The following CNOT4 variants were observed in gnomAD, a reference collection of about 807,000 sequenced individuals.
CNOT4 encodes CCR4-NOT transcription complex subunit 4.
In CNOT4, 8 loss-of-function variants were observed where a neutral mutation model predicts 73.8. That is an observed-to-expected ratio of 0.11 (90% CI 0.06 to 0.20). The LOEUF is 0.20. Among genes scored for constraint, CNOT4 ranks in the 10% least tolerant of loss-of-function variants. CNOT4 has a pLI of 1.00. For synonymous variants in CNOT4, 293 were observed against 321.1 expected (o/e 0.91, Z 0.94); for missense variants, 564 against 883.4 (o/e 0.64, Z 4.58).
chr7:135,424,036 ACAAAACACACACACACACAC>A (rs1382126835), intron 2 of CNOT4, among the ~76,000 whole-genome samples: 1 of 135,140 alleles, frequency 7.4e-6, no homozygotes, highest in East Asian at 2.1e-4. Context: ...AAACAAACAA[ACAAAACACACACACACACAC>A]ACACACACAC....
chr7:135,405,957 T>C lies in CNOT4; in HGVS notation c.821+4558A>G, dbSNP rs551229119. 3.9e-5 allele frequency among the ~76,000 whole-genome samples: 6 copies of C among 152,304 alleles called. No homozygotes were observed. In the South Asian group the frequency reaches 1.2e-3, roughly 32 times the overall value. ...CTAGGAATGCCAAGAAATGTGAAAA[T>C]GAAACCCTTCTTTGAGTTTCTTTTT... is the stretch of plus-strand genomic sequence containing the variant. On this transcript the variant is annotated intron_variant, in intron 7 of 11. Coordinates refer to ENST00000541284, the MANE Select transcript of CNOT4 (RefSeq NM_001190850.2).
At position 135,362,927 on chromosome 7, in the gene CNOT4, G is replaced by C; in HGVS notation, c.2100C>G (p.Thr700=). The change falls in exon 12 of 12, where the codon ACC becomes ACG. Residue 700 remains threonine (T), a synonymous_variant. Coordinates refer to ENST00000541284, the MANE Select transcript of CNOT4 (RefSeq NM_001190850.2). ...FQTAFRPPSK[T]PTDLLQSSTL... ...TTGAACTCTGTAGTAAATCTGTGGGGGTTTTGCTGGGGGGTCTGAAGGCTG... is the reference window on the plus strand; with the variant it reads ...TTGAACTCTGTAGTAAATCTGTGGGCGTTTTGCTGGGGGGTCTGAAGGCTG... The C allele has an allele frequency of 1.2e-6, 2 of 1,613,684 alleles. No individual in the cohort carries two copies. Among genetic ancestry groups the C allele is most frequent in the Non-Finnish European group, 1.7e-6 (2 of 1,179,804 alleles).
intron 1 of CNOT4, among the ~76,000 whole-genome samples, chr7:135,471,290 G>T (rs1801560018): frequency 6.6e-6 from 1 of 151,576 alleles, no homozygotes; most frequent in Admixed American, 6.6e-5. Flanking sequence ...AAGTCTCTAA[G>T]CATGCCAATT....
rs768332334 is a variant in CNOT4, at chr7:135,363,083, G to A, written c.1944C>T (p.Ser648=). The change falls in exon 12 of 12, where the codon AGC becomes AGT. Residue 648 remains serine (S), a synonymous_variant. Coordinates refer to ENST00000541284, the MANE Select transcript of CNOT4 (RefSeq NM_001190850.2). The surrounding 1 kb of genome is among the most constrained non-coding windows in gnomAD (Gnocchi z 4.3). ...TGTGGTGGGTCTGTGATGGAGCAGCGCTGGGGCCGTCCATCTCTGTGAGGG... is the reference window on the plus strand; with the variant it reads ...TGTGGTGGGTCTGTGATGGAGCAGCACTGGGGCCGTCCATCTCTGTGAGGG... ...LQALTEMDGP[S]AAPSQTHHSA... The A allele has an allele frequency of 1.6e-5, 26 of 1,613,942 alleles. No homozygotes were observed. The highest frequency in any genetic ancestry group is 6.7e-5 in the East Asian group (3 of 44,890).
At chr7:135,444,634 C>T (rs1245321406) in intron 1 of CNOT4, 21 of 1,187,452 alleles carry the variant, frequency 1.8e-5, no homozygotes, top group Non-Finnish European at 2.5e-5. Context: ...GGTTCCAAGG[C>T]TGCATCTCTC....
At chr7:135,370,727 T>C (rs894292176) in intron 10 of CNOT4, among the ~76,000 whole-genome samples, 2 of 152,150 alleles carry the variant, frequency 1.3e-5, no homozygotes, top group Admixed American at 1.3e-4. Context: ...CCCAACAAAA[T>C]CTGTTTAATT....
intron 7 of CNOT4, among the ~76,000 whole-genome samples, chr7:135,404,736 G>A (rs1196939120): frequency 6.6e-6 from 1 of 152,048 alleles, no homozygotes; most frequent in Non-Finnish European, 1.5e-5. Context: ...TATTTTAAAA[G>A]ATGTATACTC....
At chr7:135,420,846 A>G (rs188524789) in intron 3 of CNOT4, among the ~76,000 whole-genome samples, 11 of 152,000 alleles carry the variant, frequency 7.2e-5, no homozygotes, top group Admixed American at 5.2e-4. Context: ...AAAAAAAAAG[A>G]GGGAGAACTG....
At chr7:135,460,523 T>C (rs1331935993) in intron 1 of CNOT4, among the ~76,000 whole-genome samples, 2 of 152,118 alleles carry the variant, frequency 1.3e-5, no homozygotes, top group Non-Finnish European at 2.9e-5. Flanking sequence ...TCAGAACACA[T>C]ACAACATGTA....
intron 1 of CNOT4, among the ~76,000 whole-genome samples, chr7:135,497,879 A>C (rs139903728): frequency 7.2e-5 from 11 of 152,290 alleles, no homozygotes; most frequent in Non-Finnish European, 1.6e-4. Context: ...GTACTTAGAC[A>C]TTGTTTTACA....
intron 1 of CNOT4, among the ~76,000 whole-genome samples, chr7:135,498,377 C>A (rs1217027745): frequency 6.6e-6 from 1 of 152,182 alleles, no homozygotes; most frequent in African/African-American, 2.4e-5. Flanking sequence ...CACCATCTAT[C>A]ATTCAGAGTT....
At chr7:135,498,634 C>T (rs550169585) in intron 1 of CNOT4, among the ~76,000 whole-genome samples, 2 of 152,236 alleles carry the variant, frequency 1.3e-5, no homozygotes, top group South Asian at 2.1e-4. Flanking sequence ...CTGCAACCTC[C>T]GCCTCCTAGG....
chr7:135,390,083 T>C (rs1028018868), intron 10 of CNOT4, among the ~76,000 whole-genome samples: 3 of 152,166 alleles, frequency 2.0e-5, no homozygotes, highest in South Asian at 2.1e-4. Context: ...CAATAGGCCA[T>C]ATACCCCTGA....
intron 1 of CNOT4, among the ~76,000 whole-genome samples, chr7:135,500,951 T>C (rs772090848): frequency 6.6e-6 from 1 of 151,906 alleles, no homozygotes; most frequent in Non-Finnish European, 1.5e-5. Flanking sequence ...TTAAAATCAT[T>C]CAGAAACACT....
chr7:135,399,552 T>C (rs147476047), intron 7 of CNOT4, among the ~76,000 whole-genome samples: 1 of 152,234 alleles, frequency 6.6e-6, no homozygotes, highest in African/African-American at 2.4e-5. Context: ...ATTGTTCTGA[T>C]ACTGTGTTAT....
intron 1 of CNOT4, among the ~76,000 whole-genome samples, chr7:135,457,506 T>C (rs1244514040): frequency 6.6e-6 from 1 of 152,034 alleles, no homozygotes; most frequent in Non-Finnish European, 1.5e-5. Context: ...CAACTAACTA[T>C]CATTATTACA....
chr7:135,378,095 G>A (rs1795619025), intron 10 of CNOT4, among the ~76,000 whole-genome samples: 1 of 152,138 alleles, frequency 6.6e-6, no homozygotes, highest in African/African-American at 2.4e-5. Context: ...TAATGCCCAA[G>A]TTTTACAATG....
chr7:135,500,188 G>T (rs1194133366), intron 1 of CNOT4, among the ~76,000 whole-genome samples: 1 of 152,076 alleles, frequency 6.6e-6, no homozygotes, highest in Non-Finnish European at 1.5e-5. Context: ...AAGCACAGTT[G>T]AGATGTTTTC....
intron 1 of CNOT4, among the ~76,000 whole-genome samples, chr7:135,472,309 C>G (rs1003069825): frequency 1.2e-4 from 18 of 147,602 alleles, no homozygotes; most frequent in African/African-American, 4.5e-4. Context: ...CACCCCGTCT[C>G]TACTAAAAAT....
Sources: allele counts gnomAD v4.1 joint callset (sites outside exome capture counted in the v4.1 genomes callset), GRCh38; gene constraint gnomAD v4.1.1; non-coding constraint Gnocchi (gnomAD v3.1); transcripts MANE v1.5; gene names NCBI Gene and HGNC (gene_info 2026-07-23, HGNC 2026-07-21).